The following GLRX2 variants were observed in gnomAD, a reference collection of about 807,000 sequenced individuals.
The protein encoded by GLRX2 is bA101E13.1 (GRX2 glutaredoxin (thioltransferase) 2).
A neutral mutation model predicts 16.4 loss-of-function variants in GLRX2; 12 were observed. That is an observed-to-expected ratio of 0.73 (90% CI 0.47 to 1.19). The LOEUF is 1.19. GLRX2 is among the 50% of genes most tolerant of loss of function. GLRX2 has a pLI of 0.00. For missense variants in GLRX2, 201 were observed against 201.8 expected (o/e 1.00, Z 0.02); for synonymous variants, 95 against 76.2 (o/e 1.25, Z -1.28).
At chr1:193,105,805 C>T (rs1055913090), upstream of GLRX2, 32 of 1,327,738 alleles carry the variant, frequency 2.4e-5, no homozygotes, top group Admixed American at 4.0e-5. Flanking sequence ...TTTCCAACTA[C>T]CTGTTACACA....
chr1:193,099,825 T>A (rs910876349), intron 2 of GLRX2, among the ~76,000 whole-genome samples: 3 of 152,160 alleles, frequency 2.0e-5, no homozygotes, highest in Non-Finnish European at 4.4e-5. Flanking sequence ...ATATTTAGTA[T>A]AAAAGTCCAT....
intron 3 of GLRX2, among the ~76,000 whole-genome samples, chr1:193,097,378 C>T (rs528606204): frequency 6.6e-6 from 1 of 152,186 alleles, no homozygotes; most frequent in Non-Finnish European, 1.5e-5. Flanking sequence ...TACTCATCAA[C>T]CCCAGTCAAA....
chr1:193,098,762 G>A (rs1675011316), intron 2 of GLRX2, among the ~76,000 whole-genome samples: 1 of 151,942 alleles, frequency 6.6e-6, no homozygotes, highest in African/African-American at 2.4e-5. Context: ...TGTTGGCCAG[G>A]CTCGTCTCAA....
At chr1:193,099,141 ATATAATGATGAT>A (rs1412637947) in intron 2 of GLRX2, among the ~76,000 whole-genome samples, 1 of 152,208 alleles carries the variant, frequency 6.6e-6, no homozygotes, top group African/African-American at 2.4e-5. Context: ...AAACCTCTCC[ATATAATGATGAT>A]ATCAGCCTGG....
Position 193,096,569 on chromosome 1 carries a change from G to T in GLRX2, c.*56C>A. ...CCTCAAACATTTAAAAGACATTATC[G>T]GGCATTACCACTTTAAATAACTGAC... On this transcript the variant is annotated 3_prime_UTR_variant, in exon 4 of 4. Transcript: ENST00000367439. 1 of 910,332 alleles carries T rather than the reference G, an allele frequency of 1.1e-6. No homozygotes were observed. Among genetic ancestry groups the T allele is most frequent in the Non-Finnish European group, 1.7e-6 (1 of 594,330 alleles). 56.4% of individuals were successfully genotyped at this position (910,332 alleles called of 1,614,324 possible).
intron 2 of GLRX2, among the ~76,000 whole-genome samples, chr1:193,098,755 T>C (rs1045499373): frequency 2.0e-5 from 3 of 152,048 alleles, no homozygotes; most frequent in Admixed American, 2.0e-4. Context: ...TTCACCATGT[T>C]GGCCAGGCTC....
chr1:193,096,907 C>A (rs1042180259), intron 3 of GLRX2, 148 bp from the exon 4 acceptor site: 16 of 604,622 alleles, frequency 2.6e-5, no homozygotes, highest in Admixed American at 6.8e-5. Context: ...AAAATCTTTA[C>A]CCTTTAAGGT....
chr1:193,106,097 G>A, upstream of GLRX2: 1 of 938,088 alleles, frequency 1.1e-6, no homozygotes, highest in East Asian at 1.2e-4. Context: ...GCCACTCAGT[G>A]GTGGTAATAA....
intron 1 of GLRX2, among the ~76,000 whole-genome samples, chr1:193,102,996 T>G (rs1675109848): frequency 6.6e-6 from 1 of 152,132 alleles, no homozygotes. Flanking sequence ...GATGCTTGTG[T>G]TCAAGTAACC....
intron 3 of GLRX2, 69 bp from the exon 4 acceptor site, chr1:193,096,828 A>T: frequency 6.6e-6 from 8 of 1,214,520 alleles, no homozygotes; most frequent in Non-Finnish European, 9.2e-6. Context: ...TCACATAATA[A>T]CGAGACATTT....
At chr1:193,096,883 A>G (rs950186449) in intron 3 of GLRX2, 124 bp from the exon 4 acceptor site, 1 of 662,254 alleles carries the variant, frequency 1.5e-6, no homozygotes, top group African/African-American at 1.8e-5. Context: ...AAGCTCTTTC[A>G]CAAATTAAAT....
At chr1:193,105,217 A>C in intron 1 of GLRX2, 47 bp downstream of exon 1, 1 of 1,520,360 alleles carries the variant, frequency 6.6e-7, no homozygotes, top group South Asian at 1.2e-5. Flanking sequence ...AGACCCCCGC[A>C]AGGCCTGCGC....
intron 1 of GLRX2, among the ~76,000 whole-genome samples, chr1:193,103,749 T>C (rs1480095448): frequency 6.6e-6 from 1 of 152,150 alleles, no homozygotes; most frequent in African/African-American, 2.4e-5. Context: ...CATTATAACC[T>C]ACCCAATGTT....
At chr1:193,100,437 G>A (rs558270718) in intron 2 of GLRX2, among the ~76,000 whole-genome samples, 1 of 152,318 alleles carries the variant, frequency 6.6e-6, no homozygotes, top group African/African-American at 2.4e-5. Context: ...TCGCACCACT[G>A]CACTCTGGCC....
intron 1 of GLRX2, among the ~76,000 whole-genome samples, chr1:193,102,354 T>C (rs1675096262): frequency 6.6e-6 from 1 of 152,088 alleles, no homozygotes; most frequent in South Asian, 2.1e-4. Context: ...TAGCATGAAA[T>C]ATTAGTCTTC....
At position 193,101,164 on chromosome 1, in the gene GLRX2, T is replaced by C. The variant is rs1675067406; in HGVS notation, c.160A>G (p.Thr54Ala). 3 of 1,611,964 alleles carry C rather than the reference T, an allele frequency of 1.9e-6. No individual in the cohort carries two copies. The highest frequency in any genetic ancestry group is 1.7e-4 in the Middle Eastern group (1 of 6,054). ...ACTTGGATCTGGTTCACAGGCGCCG[T>C]CGCTAAATTCTCCAAAGATGATGAT... ...NTSSSLENLATAPVNQIQETI... is the reference protein window; with the variant it reads ...NTSSSLENLAAAPVNQIQETI... The change falls in exon 2 of 4, where the codon ACG (threonine) becomes GCG (alanine). Residue 54 changes from threonine (T) to alanine (A), a missense_variant. Thr to Ala is a moderately conservative substitution (Grantham distance 58). Coordinates refer to ENST00000367439, the MANE Select transcript of GLRX2 (RefSeq NM_197962.3).
chr1:193,101,326 A>T, intron 1 of GLRX2, 122 bp from the exon 2 acceptor site: 1 of 671,354 alleles, frequency 1.5e-6, no homozygotes, highest in Non-Finnish European at 2.6e-6. Flanking sequence ...ATAGAAAAAA[A>T]TTTTACTTAT....
chr1:193,101,752 A>G (rs953862072), intron 1 of GLRX2, among the ~76,000 whole-genome samples: 9 of 152,254 alleles, frequency 5.9e-5, no homozygotes, highest in Non-Finnish European at 1.2e-4. Flanking sequence ...CAGAAAGCAG[A>G]TAAGTGCCTT....
At chr1:193,101,584 A>C (rs1288303242) in intron 1 of GLRX2, among the ~76,000 whole-genome samples, 2 of 152,232 alleles carry the variant, frequency 1.3e-5, no homozygotes, top group South Asian at 4.1e-4. Context: ...AAACTCTATG[A>C]ACACACTGTG....
Sources: gnomAD v4.1 joint callset for allele counts (sites outside exome capture counted in the v4.1 genomes callset) on GRCh38, gnomAD v4.1.1 for gene constraint, MANE v1.5 for transcripts, NCBI Gene and HGNC (gene_info 2026-07-23, HGNC 2026-07-21) for gene names.